GALNT13: variants seen among roughly 807,000 people sequenced by gnomAD.
GALNT13 encodes polypeptide N-acetylgalactosaminyltransferase 13.
GALNT13 carries 28 observed loss-of-function variants against 64.2 expected under a neutral mutation model. That is an observed-to-expected ratio of 0.44 (90% CI 0.32 to 0.60). The LOEUF is 0.60. Ranked by LOEUF, GALNT13 falls within the 20% of genes least tolerant of loss-of-function variation. The pLI, the probability that GALNT13 is intolerant of heterozygous loss-of-function variation, is 0.05. For missense variants in GALNT13, 577 were observed against 669.8 expected, an observed-to-expected ratio of 0.86 and a Z score of 1.53; for synonymous variants, 214 against 224.6, an observed-to-expected ratio of 0.95 and a Z score of 0.42.
chr2:153,926,312 C>T (rs1024566786), intron 2 of GALNT13: 6 of 151,912 alleles, frequency 3.9e-5, no homozygotes, highest in African/African-American at 1.5e-4. Context: ...GAGGGAAATA[C>T]AGGCTGCAAT....
intron 8 of GALNT13, chr2:154,287,308 A>G: frequency 1.5e-6 from 1 of 655,212 alleles, no homozygotes; most frequent in South Asian, 1.5e-5. Flanking sequence ...TGGCGGGGAC[A>G]GTCTGATTGA....
At chr2:153,834,019 T>A in the GALNT13 span, among the ~76,000 whole-genome samples, 1 of 152,152 alleles carries the variant, frequency 6.6e-6, no homozygotes, top group Non-Finnish European at 1.5e-5. Flanking sequence ...AAAATTAATT[T>A]TTTTTGTGAT....
intron 2 of GALNT13, among the ~76,000 whole-genome samples, chr2:153,937,311 T>G (rs762884587): frequency 6.6e-6 from 1 of 152,084 alleles, no homozygotes; most frequent in Non-Finnish European, 1.5e-5. Context: ...TAAAAAGAAA[T>G]GAAGTACTTG....
the GALNT13 span, among the ~76,000 whole-genome samples, chr2:153,659,051 T>A: frequency 1.3e-3 from 198 of 152,156 alleles, 5 homozygotes; most frequent in East Asian, 0.036. Flanking sequence ...TAATACAAAA[T>A]AAAAAGGACT....
At chr2:153,370,277 C>A in the GALNT13 span, among the ~76,000 whole-genome samples, 1 of 152,064 alleles carries the variant, frequency 6.6e-6, no homozygotes, top group Non-Finnish European at 1.5e-5. Context: ...AATAATATTT[C>A]TTCTAAGAAA....
At chr2:153,807,002 G>C in the GALNT13 span, among the ~76,000 whole-genome samples, 18 of 152,024 alleles carry the variant, frequency 1.2e-4, no homozygotes, top group Non-Finnish European at 2.2e-4. Context: ...AAAAGTGAAG[G>C]GGATTGGGAA....
At chr2:153,507,232 A>C in the GALNT13 span, among the ~76,000 whole-genome samples, 1 of 151,988 alleles carries the variant, frequency 6.6e-6, no homozygotes, top group African/African-American at 2.4e-5. Flanking sequence ...TTCACTGAAG[A>C]ATTTTTATTT....
chr2:154,119,217 G>A (rs776647581), intron 3 of GALNT13, among the ~76,000 whole-genome samples: 12 of 152,094 alleles, frequency 7.9e-5, no homozygotes, highest in East Asian at 3.9e-4. Flanking sequence ...TTCCTCATTC[G>A]CAGTTTTCTT....
chr2:153,259,307 T>C, the GALNT13 span, among the ~76,000 whole-genome samples: 1 of 148,214 alleles, frequency 6.7e-6, no homozygotes, highest in South Asian at 2.1e-4. Context: ...TTTCATTTTA[T>C]GTGTCTCTTT....
chr2:153,853,247 A>C, the GALNT13 span, among the ~76,000 whole-genome samples: 16 of 152,050 alleles, frequency 1.1e-4, no homozygotes, highest in Non-Finnish European at 2.4e-4. Flanking sequence ...GCCCACCCAG[A>C]TTGGGGGTGG....
chr2:154,269,930 A>ATATATGTGTATATATATAT (rs1553506263), intron 8 of GALNT13, among the ~76,000 whole-genome samples: 8 of 142,882 alleles, frequency 5.6e-5, no homozygotes, highest in East Asian at 4.2e-4. Flanking sequence ...ATATATTTCT[A>ATATATGTGTATATATATAT]AAGCACAGGG....
chr2:153,384,370 T>C, the GALNT13 span, among the ~76,000 whole-genome samples: 1 of 152,092 alleles, frequency 6.6e-6, no homozygotes, highest in African/African-American at 2.4e-5. Flanking sequence ...AAACTTCGTG[T>C]TCTTCAAGTG....
chr2:153,752,123 T>G, the GALNT13 span, among the ~76,000 whole-genome samples: 63 of 152,122 alleles, frequency 4.1e-4, no homozygotes, highest in East Asian at 0.012. Context: ...AAAAACTGTA[T>G]GCCTTAACTT....
the GALNT13 span, among the ~76,000 whole-genome samples, chr2:153,645,876 T>A: frequency 1.3e-5 from 2 of 152,196 alleles, no homozygotes; most frequent in East Asian, 3.9e-4. Flanking sequence ...ATTGTTGTTA[T>A]ACCAGGTAGC....
At chr2:153,423,868 C>A in the GALNT13 span, among the ~76,000 whole-genome samples, 1,239 of 151,212 alleles carry the variant, frequency 8.2e-3, 15 homozygotes, top group African/African-American at 0.029. Flanking sequence ...TCAAAAAAAA[C>A]CCCAAGATTT....
the GALNT13 span, among the ~76,000 whole-genome samples, chr2:153,755,212 T>C: frequency 0.012 from 1,854 of 152,294 alleles, 49 homozygotes; most frequent in African/African-American, 0.042. Context: ...TTGTTTGTTT[T>C]TTAGTGTAGA....
At chr2:153,504,528 G>A in the GALNT13 span, among the ~76,000 whole-genome samples, 1 of 152,130 alleles carries the variant, frequency 6.6e-6, no homozygotes, top group African/African-American at 2.4e-5. Context: ...GTTTGTCATA[G>A]ATGGGTTTTA....
chr2:153,496,904 G>A, the GALNT13 span, among the ~76,000 whole-genome samples: 1 of 148,756 alleles, frequency 6.7e-6, no homozygotes. Context: ...TGAGGCAGGA[G>A]AATCGCTTGA....
At chr2:154,182,338 GT>G (rs1686004511) in intron 4 of GALNT13, among the ~76,000 whole-genome samples, 1 of 152,060 alleles carries the variant, frequency 6.6e-6, no homozygotes, top group African/African-American at 2.4e-5. Context: ...GCTGTTTTTT[GT>G]GTGCGCATTT....
Sources: allele counts gnomAD v4.1 joint callset (sites outside exome capture counted in the v4.1 genomes callset), GRCh38; gene constraint gnomAD v4.1.1; transcripts MANE v1.5; gene names NCBI Gene and HGNC (gene_info 2026-07-23, HGNC 2026-07-21).